Variants in MRPL13 observed in about 807,000 individuals in gnomAD.
MRPL13 encodes large ribosomal subunit protein uL13m.
In MRPL13, 33 loss-of-function variants were observed where a neutral mutation model predicts 29.0. The ratio of observed to expected loss-of-function variants is 1.14; its 90% CI spans 0.86 to 1.52. The LOEUF (loss-of-function observed/expected upper bound fraction) is 1.52. MRPL13 is among the 40% of genes most tolerant of loss of function. The pLI is 0.00. For missense variants in MRPL13, 227 were observed against 216.7 expected, an observed-to-expected ratio of 1.05 and a Z score of -0.30; for synonymous variants, 77 against 68.4, an observed-to-expected ratio of 1.13 and a Z score of -0.62.
At chr8:120,396,424 C>T (rs1363199281) in intron 6 of MRPL13, among the ~76,000 whole-genome samples, 1 of 152,032 alleles carries the variant, frequency 6.6e-6, no homozygotes, top group Non-Finnish European at 1.5e-5. Flanking sequence ...CATTTTTAAA[C>T]TTTTATAAAG....
intron 2 of MRPL13, among the ~76,000 whole-genome samples, 177 bp from the exon 3 acceptor site, chr8:120,432,300 C>G (rs1348473574): frequency 6.6e-6 from 1 of 151,980 alleles, no homozygotes; most frequent in African/African-American, 2.4e-5. Flanking sequence ...AATATAACAT[C>G]TAAGTATAGA....
chr8:120,412,771 G>T (rs1812754241), intron 6 of MRPL13, among the ~76,000 whole-genome samples: 1 of 152,092 alleles, frequency 6.6e-6, no homozygotes. Flanking sequence ...CTGCCCCCTT[G>T]AAGCTGACAT....
chr8:120,444,864 T>A, intron 1 of MRPL13: 2 of 406,150 alleles, frequency 4.9e-6, no homozygotes, highest in Non-Finnish European at 4.7e-6. Context: ...AAAGGGCAGA[T>A]TGAAAAGAAG....
At chr8:120,433,879 T>A (rs1813023257) in intron 2 of MRPL13, among the ~76,000 whole-genome samples, 1 of 152,138 alleles carries the variant, frequency 6.6e-6, no homozygotes, top group Non-Finnish European at 1.5e-5. Flanking sequence ...AATTTAAAAC[T>A]GCACATTTAA....
rs5894521 is a variant in MRPL13 at position 120,443,318 on chromosome 8, GA to G, written c.28-11del. 0.21 allele frequency: 282,338 copies of G among 1,337,162 alleles called. 5,578 individuals are homozygous for G. The highest frequency in any genetic ancestry group is 0.25 in the African/African-American group (15,952 of 62,754). The allele number at this position is 1,337,162 out of a possible 1,614,324, so 82.8% of individuals were successfully genotyped here. A position where few individuals can be genotyped will look rare whatever the true frequency, so the allele number is the denominator to read the frequency against. ...CAAAAGTGGCCCATTGCTTGGGGGGGAAAAAAAAAAAAAAGAAGAGGAAAAA... is the reference window on the plus strand; with the variant it reads ...CAAAAGTGGCCCATTGCTTGGGGGGGAAAAAAAAAAAAAGAAGAGGAAAAA... On this transcript the variant is annotated splice_polypyrimidine_tract_variant and intron_variant, in intron 1 of 6. Coordinates refer to ENST00000306185, the MANE Select transcript of MRPL13 (RefSeq NM_014078.6).
chr8:120,403,879 T>C (rs1318770462), intron 6 of MRPL13, among the ~76,000 whole-genome samples: 1 of 152,188 alleles, frequency 6.6e-6, no homozygotes, highest in Admixed American at 6.5e-5. Flanking sequence ...AATTGTTTAT[T>C]ATTAAACTCT....
intron 6 of MRPL13, among the ~76,000 whole-genome samples, chr8:120,413,374 G>A (rs538062241): frequency 1.3e-5 from 2 of 152,208 alleles, no homozygotes; most frequent in South Asian, 2.1e-4. Context: ...GGAAGTGTAC[G>A]ATGAGAACCC....
chr8:120,418,690 G>A (rs1812834098), intron 5 of MRPL13, among the ~76,000 whole-genome samples: 1 of 151,958 alleles, frequency 6.6e-6, no homozygotes, highest in Non-Finnish European at 1.5e-5. Flanking sequence ...TTATTTTTGT[G>A]TCTTTTAGAA....
intron 2 of MRPL13, among the ~76,000 whole-genome samples, chr8:120,441,406 G>A (rs868130623): frequency 3.3e-5 from 5 of 152,066 alleles, no homozygotes; most frequent in African/African-American, 9.7e-5. Context: ...GGGCCCTGAC[G>A]CACTTCCAAT....
chr8:120,405,010 G>GA (rs1379930255), intron 6 of MRPL13, among the ~76,000 whole-genome samples: 2 of 152,150 alleles, frequency 1.3e-5, no homozygotes, highest in African/African-American at 4.8e-5. Context: ...TGACCCCCTT[G>GA]AAAATGCCAC....
At chr8:120,405,568 A>G (rs1266709948) in intron 6 of MRPL13, among the ~76,000 whole-genome samples, 1 of 152,222 alleles carries the variant, frequency 6.6e-6, no homozygotes, top group African/African-American at 2.4e-5. Flanking sequence ...AAGACAGAGG[A>G]GCACCTTCAG....
intron 5 of MRPL13, 161 bp downstream of exon 5, chr8:120,419,686 AGAATT>A (rs1812845281): frequency 2.4e-6 from 1 of 408,410 alleles, no homozygotes; most frequent in African/African-American, 2.1e-5. Context: ...AAATATTAAT[AGAATT>A]ATCATTTTTT....
intron 4 of MRPL13, among the ~76,000 whole-genome samples, chr8:120,420,526 T>G (rs1272613473): frequency 6.7e-6 from 1 of 148,796 alleles, no homozygotes; most frequent in African/African-American, 2.4e-5. Flanking sequence ...TTGTTAAAAT[T>G]AAAAGCAATT....
At chr8:120,429,645 A>G (rs1429039363) in intron 3 of MRPL13, among the ~76,000 whole-genome samples, 2 of 152,214 alleles carry the variant, frequency 1.3e-5, no homozygotes, top group East Asian at 3.9e-4. Context: ...TAATACTTAC[A>G]AAAAGGTTCT....
chr8:120,413,992 G>C lies in MRPL13; in HGVS notation c.514C>G (p.Pro172Ala). 4 of 1,546,092 alleles carry C rather than the reference G, an allele frequency of 2.6e-6. No homozygotes were observed. The highest frequency in any genetic ancestry group is 3.5e-6 in the Non-Finnish European group (4 of 1,154,510). The part of the protein sequence containing the change: ...EIDAFPRLWT[P>A]PEDYRL The stretch of plus-strand genomic sequence containing the variant: ...AACAAGAAGAAGGGAAACACTTACG[G>C]AGTCCACAATCTTGGGAAGGCGTCT... Residue 172 changes from proline to alanine, a missense_variant and splice_region_variant, in exon 6 of 7, where the codon CCA becomes GCA. Coordinates refer to ENST00000306185, the MANE Select transcript of MRPL13 (RefSeq NM_014078.6).
rs1447147965 is a variant in MRPL13 at position 120,402,371 on chromosome 8, G to GAA, written c.516-6247_516-6246insTT. On this transcript the variant is annotated intron_variant, in intron 6 of 6. Transcript: ENST00000306185. Reference sequence around the variant, plus strand: ...ACATGCCTACAACTATCTGATCTTCGACAGACCTCACAAAAACAAGCAATG... The same window carrying GAA: ...ACATGCCTACAACTATCTGATCTTCGAAACAGACCTCACAAAAACAAGCAATG... 5.9e-5 allele frequency among the ~76,000 whole-genome samples: 9 copies of GAA among 152,006 alleles called. 1 individual carries two copies. Among genetic ancestry groups the GAA allele is most frequent in the Admixed American group, 5.9e-4 (9 of 15,260 alleles).
intron 2 of MRPL13, among the ~76,000 whole-genome samples, chr8:120,438,400 C>T (rs376584301): frequency 4.7e-4 from 71 of 152,284 alleles, no homozygotes; most frequent in African/African-American, 1.7e-3. Context: ...TCTACTTTCA[C>T]AGAAACCTAA....
intron 2 of MRPL13, among the ~76,000 whole-genome samples, chr8:120,434,442 G>A (rs1813030459): frequency 6.6e-6 from 1 of 152,078 alleles, no homozygotes; most frequent in Admixed American, 6.6e-5. Context: ...AACAGAGTCA[G>A]AGGTTCAACT....
chr8:120,410,193 G>C (rs1327818142), intron 6 of MRPL13, among the ~76,000 whole-genome samples: 2 of 152,170 alleles, frequency 1.3e-5, no homozygotes, highest in African/African-American at 4.8e-5. Flanking sequence ...TACTAGGGCA[G>C]CAAACACCAG....
Sources: gnomAD v4.1 joint callset for allele counts (sites outside exome capture counted in the v4.1 genomes callset) on GRCh38, gnomAD v4.1.1 for gene constraint, MANE v1.5 for transcripts, NCBI Gene and HGNC (gene_info 2026-07-23, HGNC 2026-07-21) for gene names.